Variants in REELD1 observed in about 807,000 individuals in gnomAD.
The protein encoded by REELD1 is reelin domain-containing protein 1.
REELD1 carries 12 observed loss-of-function variants against 6.3 expected under a neutral mutation model. The observed-to-expected ratio is 1.89, with a 90% CI of 1.21 to 3.07. The LOEUF (loss-of-function observed/expected upper bound fraction) is 3.07, where lower values mean the gene tolerates loss of function less well. Ranked by LOEUF, REELD1 falls within the 30% of genes most tolerant of loss-of-function variation. The probability of loss-of-function intolerance (pLI) is 0.00; values close to 1 mark genes in which losing one functional copy is unlikely to be tolerated. For synonymous variants in REELD1, 57 were observed against 33.6 expected (o/e 1.70, Z -2.42); for missense variants, 163 against 86.8 (o/e 1.88, Z -3.49).
Position 146,230,032 on chromosome 4 carries a change from T to A in REELD1, c.1100T>A (p.Ile367Asn), listed in dbSNP as rs1468955129. 2.5e-6 allele frequency: 1 copy of A among 398,558 alleles called. No homozygotes were observed. The highest frequency in any genetic ancestry group is 4.4e-5 in the Admixed American group (1 of 22,720). The allele number at this position is 398,558 out of a possible 1,614,324, so 24.7% of individuals were successfully genotyped here. A position where few individuals can be genotyped will look rare whatever the true frequency, so the allele number is the denominator to read the frequency against. ...AATGGGGTCAGGGCAAGCAACCCAATCCCTGTCCTCCAGACCTCTGGCACT... is the reference window on the plus strand; with the variant it reads ...AATGGGGTCAGGGCAAGCAACCCAAACCCTGTCCTCCAGACCTCTGGCACT... ...TGNGVRASNP[I>N]PVLQTSGTSG... is the part of the protein sequence containing the mutation. The change falls in exon 8 of 8, where the codon ATC becomes AAC. Residue 367 changes from isoleucine to asparagine, a missense_variant. Ile to Asn is a moderately radical substitution (Grantham distance 149, BLOSUM62 -3). Coordinates refer to ENST00000623665, the MANE Select transcript of REELD1 (RefSeq NM_001354631.1).
intron 2 of REELD1, 71 bp from the exon 3 acceptor site, chr4:146,216,871 C>T (rs1730835494): frequency 2.5e-6 from 1 of 397,714 alleles, no homozygotes; most frequent in Admixed American, 4.4e-5. Context: ...AGGTTAGTCA[C>T]ATCCCGAGAA....
At chr4:146,219,628 T>A (rs1047731120) in intron 3 of REELD1, among the ~76,000 whole-genome samples, 6 of 152,260 alleles carry the variant, frequency 3.9e-5, no homozygotes, top group Admixed American at 6.5e-5. Flanking sequence ...GTGGCTTTTT[T>A]AAAAAAAATT....
chr4:146,228,089 T>A (rs1304568099), intron 5 of REELD1, 121 bp from the exon 6 acceptor site: 1 of 613,100 alleles, frequency 1.6e-6, no homozygotes, highest in Non-Finnish European at 2.9e-6. Flanking sequence ...TCACACTTAA[T>A]GGTCTCTCCT....
In REELD1 at chr4:146,228,228, C is replaced by G. The variant is rs775082316; in HGVS notation, c.614C>G (p.Thr205Ser). ...TGCTTAGCTCCCAGGACCCCCATCA[C>G]TCTTCCACAGCAGCACACACATGTC... ...GAAPAPRTPI[T>S]LPQQHTHVFA... Residue 205 changes from threonine to serine, a missense_variant, in exon 6 of 8, where the codon ACT (threonine) becomes AGT (serine). Transcript: ENST00000623665. The G allele has an allele frequency of 1.4e-6, 1 of 702,370 alleles. No homozygotes were observed. Among genetic ancestry groups the G allele is most frequent in the Non-Finnish European group, 2.6e-6 (1 of 384,832 alleles). 43.5% of individuals were successfully genotyped at this position (702,370 alleles called of 1,614,324 possible).
At position 146,228,258 on chromosome 4, in the gene REELD1, C is replaced by T. The variant is rs1023187024; in HGVS notation, c.644C>T (p.Ala215Val). The part of the protein sequence containing the change: ...TLPQQHTHVF[A>V]VALPGAAEED... ...CCACAGCAGCACACACATGTCTTTG[C>T]TGTTGCCCTTCCTGGAGCTGCAGAG... Residue 215 changes from alanine (A) to valine (V), a missense_variant, in exon 6 of 8, where the codon GCT (alanine) becomes GTT (valine). Ala to Val is a moderately conservative substitution (Grantham distance 64, BLOSUM62 0). Coordinates refer to ENST00000623665, the MANE Select transcript of REELD1 (RefSeq NM_001354631.1). 5 of 702,592 alleles carry T rather than the reference C, an allele frequency of 7.1e-6. No homozygotes were observed. The Admixed American group carries it at 8.0e-5, about 11-fold the overall frequency. 43.5% of individuals were successfully genotyped at this position (702,592 alleles called of 1,614,324 possible).
rs1265697126 is a variant in REELD1, at chr4:146,231,284, C to T, written c.*771C>T. On this transcript the variant is annotated 3_prime_UTR_variant, in exon 8 of 8. Coordinates refer to ENST00000623665, the MANE Select transcript of REELD1 (RefSeq NM_001354631.1). ...CACTTGATGGAAACATTCGTGTATC[C>T]CAACAGCTAGCAGACATAGTGCCTT... Among the ~76,000 whole-genome samples the T allele has an allele frequency of 6.6e-6, 1 of 152,164 alleles. No individual in the cohort carries two copies. Among genetic ancestry groups the T allele is most frequent in the Non-Finnish European group, 1.5e-5 (1 of 68,036 alleles).
rs1056506527 is a variant in REELD1 at position 146,229,957 on chromosome 4, T to C, written c.1025T>C (p.Val342Ala). ...GTGACACAGCCTCCTCTGTCCACCG[T>C]CCAGCTTACCTATCCCCAGTGCCTC... ...RTVTQPPLSTVQLTYPQCLWS... is the reference protein window; with the variant it reads ...RTVTQPPLSTAQLTYPQCLWS... Residue 342 changes from valine to alanine, a missense_variant, in exon 8 of 8, where the codon GTC becomes GCC. Val to Ala is a moderately conservative substitution (Grantham distance 64, BLOSUM62 0). Coordinates refer to ENST00000623665, the MANE Select transcript of REELD1 (RefSeq NM_001354631.1). 1 of 398,756 alleles carries C rather than the reference T, an allele frequency of 2.5e-6. No individual in the cohort carries two copies. The highest frequency in any genetic ancestry group is 2.1e-5 in the African/African-American group (1 of 48,764). 24.7% of individuals were successfully genotyped at this position (398,756 alleles called of 1,614,324 possible).
rs1302253708 is a variant in REELD1, at chr4:146,231,489, CA to C, written c.*980del. Among the ~76,000 whole-genome samples, 1 of 152,104 alleles carries C rather than the reference CA, an allele frequency of 6.6e-6. No individual in the cohort carries two copies. The highest frequency in any genetic ancestry group is 1.5e-5 in the Non-Finnish European group (1 of 68,024). On this transcript the variant is annotated 3_prime_UTR_variant, in exon 8 of 8. Transcript: ENST00000623665. ...TGGCTCCACAGATACTATCTGAGGT[CA>C]AAACAACAGATCTGAATATAACTCT...
intron 5 of REELD1, among the ~76,000 whole-genome samples, chr4:146,226,431 A>G (rs1274768527): frequency 6.6e-6 from 1 of 152,196 alleles, no homozygotes; most frequent in Admixed American, 6.5e-5. Flanking sequence ...ATTTATAAAC[A>G]ATAGAAATGT....
At chr4:146,216,485 A>G (rs1730828070) in intron 2 of REELD1, among the ~76,000 whole-genome samples, 1 of 152,190 alleles carries the variant, frequency 6.6e-6, no homozygotes, top group South Asian at 2.1e-4. Context: ...ATTGCAACAG[A>G]GATAAGATGC....
At chr4:146,217,507 G>T (rs1019249750) in intron 3 of REELD1, among the ~76,000 whole-genome samples, 1 of 152,102 alleles carries the variant, frequency 6.6e-6, no homozygotes, top group African/African-American at 2.4e-5. Context: ...GCCTCCAAAA[G>T]TGCTGGGATT....
intron 3 of REELD1, among the ~76,000 whole-genome samples, chr4:146,218,062 G>C (rs1730857185): frequency 6.6e-6 from 1 of 152,232 alleles, no homozygotes. Context: ...ACACAGGTGA[G>C]GAAGAGGGAA....
At chr4:146,223,780 A>G (rs978569567) in intron 4 of REELD1, among the ~76,000 whole-genome samples, 2 of 152,236 alleles carry the variant, frequency 1.3e-5, no homozygotes, top group African/African-American at 2.4e-5. Context: ...GGCCTGAACT[A>G]TGACGCTCAC....
chr4:146,223,238 T>G (rs528396281), intron 4 of REELD1, among the ~76,000 whole-genome samples: 1 of 152,290 alleles, frequency 6.6e-6, no homozygotes, highest in South Asian at 2.1e-4. Flanking sequence ...CTCCTAAATA[T>G]GAAGGAGACT....
In REELD1 at chr4:146,216,857, G is replaced by T. The variant is rs534863413; in HGVS notation, c.-11-85G>T. On this transcript the variant is annotated intron_variant, in intron 2 of 7. Coordinates refer to ENST00000623665, the MANE Select transcript of REELD1 (RefSeq NM_001354631.1). ...ATCTCAGGTACAGAGGCAGTGTGGG[G>T]TTCAGGTTAGTCACATCCCGAGAAG... 2.8e-5 allele frequency: 11 copies of T among 397,572 alleles called. No individual in the cohort carries two copies. The East Asian group carries it at 3.9e-4, about 14-fold the overall frequency. 24.6% of individuals were successfully genotyped at this position (397,572 alleles called of 1,614,324 possible).
At chr4:146,228,570 G>T in intron 6 of REELD1, 48 bp downstream of exon 6, 1 of 651,616 alleles carries the variant, frequency 1.5e-6, no homozygotes, top group South Asian at 1.7e-5. Flanking sequence ...GGACTAGGAT[G>T]AACACTGGAG....
In REELD1 at chr4:146,228,321, TG is replaced by T; in HGVS notation, c.708del (p.Thr237GlnfsTer35). On this transcript the variant is annotated frameshift_variant, in exon 6 of 8. Coordinates refer to ENST00000623665, the MANE Select transcript of REELD1 (RefSeq NM_001354631.1). LOFTEE classifies it high-confidence loss of function. ...GATCCTGTTCCTGCCAGTATTTGGG[TG>T]ACAAAGTTTCCTGGGGATGCAGAGA... ...NLDPVPASIW[V>X]TKFPGDAETL... The T allele has an allele frequency of 1.4e-6, 1 of 702,474 alleles. No individual in the cohort carries two copies. The highest frequency in any genetic ancestry group is 2.6e-6 in the Non-Finnish European group (1 of 384,976). 43.5% of individuals were successfully genotyped at this position (702,474 alleles called of 1,614,324 possible). A position where few individuals can be genotyped will look rare whatever the true frequency, so the allele number is the denominator to read the frequency against.
chr4:146,220,746 A>G (rs1256303569), intron 3 of REELD1, among the ~76,000 whole-genome samples: 1 of 152,230 alleles, frequency 6.6e-6, no homozygotes, highest in Non-Finnish European at 1.5e-5. Context: ...CCAGAATTCT[A>G]TCTGGTGAAG....
intron 5 of REELD1, among the ~76,000 whole-genome samples, chr4:146,227,228 C>T (rs1230805123): frequency 6.6e-6 from 1 of 152,222 alleles, no homozygotes; most frequent in Non-Finnish European, 1.5e-5. Context: ...TCTTAGAGTT[C>T]AGGCAGGAAT....
Sources: gnomAD v4.1 joint callset for allele counts (sites outside exome capture counted in the v4.1 genomes callset) on GRCh38, gnomAD v4.1.1 for gene constraint, MANE v1.5 for transcripts, NCBI Gene and HGNC (gene_info 2026-07-23, HGNC 2026-07-21) for gene names.